Variants in SND1 observed in about 807,000 individuals in gnomAD.
The protein encoded by SND1 is staphylococcal nuclease domain-containing protein 1.
Under a neutral mutation model 121.7 loss-of-function variants are expected in SND1, and 38 were observed. That is an observed-to-expected ratio of 0.31 (90% CI 0.24 to 0.41). The LOEUF (loss-of-function observed/expected upper bound fraction) is 0.41, where lower values mean the gene tolerates loss of function less well. Among genes scored for constraint, SND1 ranks in the 10% least tolerant of loss-of-function variants. The pLI is 1.00. For missense variants in SND1, 868 were observed against 1,184.6 expected, an observed-to-expected ratio of 0.73 and a Z score of 3.92; for synonymous variants, 401 against 447.4, an observed-to-expected ratio of 0.90 and a Z score of 1.31.
rs1329983747 is a variant in SND1 at position 128,030,878 on chromosome 7, C to T, written c.1779+39822C>T. 2 of 473,096 alleles carry T rather than the reference C, an allele frequency of 4.2e-6. 1 individual carries two copies. Among genetic ancestry groups the T allele is most frequent in the South Asian group, 7.1e-5 (2 of 28,144 alleles). 29.3% of individuals were successfully genotyped at this position (473,096 alleles called of 1,614,324 possible). On this transcript the variant is annotated intron_variant, in intron 16 of 23. Transcript: ENST00000354725. ...CTCCGAAAGCTACGACTCTCCCACACTGCAACCGTCCCCACCCAGTTCGCC... is the reference window on the plus strand; with the variant it reads ...CTCCGAAAGCTACGACTCTCCCACATTGCAACCGTCCCCACCCAGTTCGCC...
chr7:127,988,615 G>T (rs1802450780), intron 15 of SND1, among the ~76,000 whole-genome samples: 1 of 152,246 alleles, frequency 6.6e-6, no homozygotes, highest in African/African-American at 2.4e-5. Flanking sequence ...GGGAGCAACT[G>T]CAATCTCTGA....
chr7:127,792,718 G>A (rs1797933672), intron 10 of SND1, among the ~76,000 whole-genome samples: 1 of 152,218 alleles, frequency 6.6e-6, no homozygotes, highest in South Asian at 2.1e-4. Flanking sequence ...TTGGGACCCA[G>A]ACCTCCCAGG....
Position 127,908,355 on chromosome 7 carries a change from T to C in SND1, c.1527+3536T>C, listed in dbSNP as rs397890323. 1.7e-3 allele frequency among the ~76,000 whole-genome samples: 241 copies of C among 141,602 alleles called. 1 individual carries two copies. The highest frequency in any genetic ancestry group is 5.9e-3 in the African/African-American group (228 of 38,710). The allele number at this position is 141,602 out of a possible 152,430, so 92.9% of individuals were successfully genotyped here. On this transcript the variant is annotated intron_variant, in intron 14 of 23. Transcript: ENST00000354725. ...GTGTGTGTGTGTGTGTGTGTGTGTG[T>C]GTGTGCGTGCGTGTTGACCCATCTG...
intron 9 of SND1, among the ~76,000 whole-genome samples, chr7:127,713,476 T>A (rs1046741210): frequency 2.4e-4 from 36 of 152,374 alleles, no homozygotes; most frequent in African/African-American, 8.2e-4. Context: ...AGTCTGAAAG[T>A]CCTGCAAGTC....
intron 14 of SND1, among the ~76,000 whole-genome samples, chr7:127,925,967 A>G (rs1363074224): frequency 6.6e-6 from 1 of 151,350 alleles, no homozygotes; most frequent in African/African-American, 2.4e-5. Context: ...TTAACCCTGG[A>G]AATGTGTCTA....
chr7:128,085,660 C>T lies in SND1; in HGVS notation c.2235-51C>T. 1 of 1,550,042 alleles carries T rather than the reference C, an allele frequency of 6.5e-7. No individual in the cohort carries two copies. The highest frequency in any genetic ancestry group is 8.9e-7 in the Non-Finnish European group (1 of 1,122,936). The stretch of plus-strand genomic sequence containing the variant: ...CCCGCCATTGCTGAGGCTCTGGGAG[C>T]CCAGAGTCCTCAGGGCTGTCTCTTG... On this transcript the variant is annotated intron_variant, in intron 19 of 23. Coordinates refer to ENST00000354725, the MANE Select transcript of SND1 (RefSeq NM_014390.4). The surrounding 1 kb of genome is among the most constrained non-coding windows in gnomAD (Gnocchi z 4.4).
At chr7:127,694,785 A>C in intron 2 of SND1, 43 bp from the exon 3 acceptor site, 1 of 1,607,424 alleles carries the variant, frequency 6.2e-7, no homozygotes, top group Non-Finnish European at 8.5e-7. Flanking sequence ...TTGGCATCTG[A>C]AACTAGGCAG....
In SND1 at chr7:128,052,680, A is replaced by G. The variant is rs1206988021; in HGVS notation, c.1780-21822A>G. On this transcript the variant is annotated intron_variant, in intron 16 of 23. Transcript: ENST00000354725. This position sits in a 1 kb window ranked among gnomAD's most constrained non-coding sequence, Gnocchi z 4.6. ...GTTTGCTGAACACAACTCGTCCGTC[A>G]AGGGAAATCAGATGAAATCCATCTC... Among the ~76,000 whole-genome samples the G allele has an allele frequency of 6.6e-6, 1 of 152,218 alleles. No homozygotes were observed. Among genetic ancestry groups the G allele is most frequent in the African/African-American group, 2.4e-5 (1 of 41,450 alleles).
chr7:127,988,015 G>A (rs570529150), intron 15 of SND1, among the ~76,000 whole-genome samples: 4 of 152,286 alleles, frequency 2.6e-5, no homozygotes, highest in African/African-American at 9.6e-5. Flanking sequence ...AATTGCACTG[G>A]CAGAATCTGC....
At chr7:128,059,349 C>G (rs1793194734) in intron 16 of SND1, among the ~76,000 whole-genome samples, 1 of 152,224 alleles carries the variant, frequency 6.6e-6, no homozygotes, top group African/African-American at 2.4e-5. Context: ...GTCTTCTCAT[C>G]TAAATCATAG....
chr7:127,979,558 C>T (rs1378226021), intron 15 of SND1, among the ~76,000 whole-genome samples: 3 of 151,986 alleles, frequency 2.0e-5, no homozygotes, highest in African/African-American at 4.8e-5. Flanking sequence ...GAGCAGGTGA[C>T]CAAGGATGAC....
intron 15 of SND1, among the ~76,000 whole-genome samples, chr7:127,950,831 AC>A (rs1270405776): frequency 6.6e-6 from 1 of 152,212 alleles, no homozygotes; most frequent in Non-Finnish European, 1.5e-5. Context: ...TAGGATGGCT[AC>A]TATCAAAAAA....
At chr7:127,908,138 G>C (rs1422281896) in intron 14 of SND1, among the ~76,000 whole-genome samples, 1 of 152,002 alleles carries the variant, frequency 6.6e-6, no homozygotes, top group Admixed American at 6.6e-5. Flanking sequence ...CCCCCAGTTT[G>C]TCTAGGGCTT....
chr7:127,783,069 T>C (rs1797751240), intron 10 of SND1, among the ~76,000 whole-genome samples: 1 of 152,210 alleles, frequency 6.6e-6, no homozygotes, highest in African/African-American at 2.4e-5. Flanking sequence ...GGGACAGATA[T>C]CAATTCTGGA....
intron 7 of SND1, among the ~76,000 whole-genome samples, chr7:127,703,971 G>A (rs1384581695): frequency 6.6e-6 from 1 of 152,198 alleles, no homozygotes; most frequent in African/African-American, 2.4e-5. Flanking sequence ...GCTAGCTGAA[G>A]TATTGGTAGA....
At chr7:127,989,003 GAA>G (rs1347561375) in intron 15 of SND1, among the ~76,000 whole-genome samples, 1 of 152,218 alleles carries the variant, frequency 6.6e-6, no homozygotes, top group Non-Finnish European at 1.5e-5. Context: ...GATATAAAAA[GAA>G]AAGTGTTTTT....
chr7:127,741,912 G>C (rs896004345), intron 10 of SND1, among the ~76,000 whole-genome samples: 1 of 151,944 alleles, frequency 6.6e-6, no homozygotes, highest in Non-Finnish European at 1.5e-5. Context: ...GAAATTGCTG[G>C]GCTCTGTTAC....
intron 10 of SND1, among the ~76,000 whole-genome samples, chr7:127,770,226 T>C (rs1797490953): frequency 6.6e-6 from 1 of 151,958 alleles, no homozygotes; most frequent in African/African-American, 2.4e-5. Flanking sequence ...CACCAGGGAG[T>C]GGAGACACGA....
chr7:127,703,237 ACT>A lies in SND1; in HGVS notation c.755_756del (p.Thr252ArgfsTer83). On this transcript the variant is annotated frameshift_variant, in exon 7 of 24. Transcript: ENST00000354725. LOFTEE classifies it high-confidence loss of function. ...EPFAAEAKFFTESRLLQRDVQ... is the reference protein window; with the variant it reads ...EPFAAEAKFFXESRLLQRDVQ... The stretch of plus-strand genomic sequence containing the variant: ...TTTTGCTGCAGAAGCCAAATTTTTC[ACT>A]GAGTCGCGACTGCTTCAGAGAGATG... 6.2e-7 allele frequency: 1 copy of A among 1,614,058 alleles called. No individual in the cohort carries two copies. Among genetic ancestry groups the A allele is most frequent in the Non-Finnish European group, 8.5e-7 (1 of 1,179,970 alleles).
Sources: gnomAD v4.1 joint callset for allele counts (sites outside exome capture counted in the v4.1 genomes callset) on GRCh38, gnomAD v4.1.1 for gene constraint, Gnocchi (gnomAD v3.1) non-coding constraint, MANE v1.5 for transcripts, NCBI Gene and HGNC (gene_info 2026-07-23, HGNC 2026-07-21) for gene names.